The following FSTL5 variants were observed in gnomAD, a reference collection of about 807,000 sequenced individuals.
FSTL5 encodes follistatin like 5, also known as follistatin-related protein 5.
FSTL5 carries 62 observed loss-of-function variants against 89.1 expected under a neutral mutation model. That is an observed-to-expected ratio of 0.70 (90% confidence interval 0.57 to 0.86). The LOEUF (loss-of-function observed/expected upper bound fraction) is 0.86, where lower values mean the gene tolerates loss of function less well. Ranked by LOEUF, FSTL5 falls within the 40% of genes least tolerant of loss-of-function variation. The pLI is 0.00. For synonymous variants in FSTL5, 383 were observed against 346.2 expected (o/e 1.11, Z -1.18); for missense variants, 1,057 against 1,001.6 (o/e 1.06, Z -0.75).
intron 6 of FSTL5, among the ~76,000 whole-genome samples, chr4:161,699,495 G>GA (rs1738300111): frequency 6.6e-6 from 1 of 152,262 alleles, no homozygotes; most frequent in Non-Finnish European, 1.5e-5. Flanking sequence ...CTGTGTTTAA[G>GA]AAGTAGCAGC....
chr4:161,586,734 C>G (rs1733630507), intron 8 of FSTL5, among the ~76,000 whole-genome samples: 1 of 152,172 alleles, frequency 6.6e-6, no homozygotes, highest in Non-Finnish European at 1.5e-5. Flanking sequence ...TCCATGTGAT[C>G]TGCCCCAAGG....
intron 4 of FSTL5, among the ~76,000 whole-genome samples, chr4:161,905,176 T>C (rs1228607937): frequency 1.3e-5 from 2 of 152,132 alleles, no homozygotes; most frequent in Non-Finnish European, 2.9e-5. Flanking sequence ...TTTTGTTAAA[T>C]AATTTTATTT....
At chr4:161,427,144 T>C (rs1201268726) in intron 15 of FSTL5, among the ~76,000 whole-genome samples, 1 of 152,194 alleles carries the variant, frequency 6.6e-6, no homozygotes, top group Non-Finnish European at 1.5e-5. Flanking sequence ...GTTAATAAAT[T>C]TCCTTAGAAA....
chr4:161,739,027 G>A (rs1191415214), intron 6 of FSTL5, among the ~76,000 whole-genome samples: 1 of 152,046 alleles, frequency 6.6e-6, no homozygotes, highest in Non-Finnish European at 1.5e-5. Context: ...TCTTATTTTT[G>A]TACACATAAT....
intron 6 of FSTL5, among the ~76,000 whole-genome samples, chr4:161,692,150 C>T (rs1212804555): frequency 6.6e-6 from 1 of 151,816 alleles, no homozygotes; most frequent in Non-Finnish European, 1.5e-5. Flanking sequence ...AAAATTGTCT[C>T]TTTTCTGACA....
chr4:161,697,489 C>T (rs946837900), intron 6 of FSTL5, among the ~76,000 whole-genome samples: 2 of 152,060 alleles, frequency 1.3e-5, no homozygotes, highest in African/African-American at 4.8e-5. Context: ...TTATTGTGTG[C>T]AACATAAAGT....
intron 8 of FSTL5, among the ~76,000 whole-genome samples, chr4:161,578,114 G>T (rs1288163985): frequency 6.6e-6 from 1 of 151,936 alleles, no homozygotes; most frequent in Non-Finnish European, 1.5e-5. Flanking sequence ...TGGAAAATAT[G>T]ACTCATGAGA....
intron 2 of FSTL5, among the ~76,000 whole-genome samples, chr4:162,089,656 A>G (rs55866927): frequency 0.31 from 41,224 of 133,092 alleles, 8,061 homozygotes; most frequent in East Asian, 0.41. Context: ...AAAAAGAAAA[A>G]AAAGAAAGAA....
rs6853701 is a variant in FSTL5 at position 161,912,138 on chromosome 4, T to A, written c.409+8266A>T. Among the ~76,000 whole-genome samples the A allele has an allele frequency of 5.9e-5, 9 of 152,114 alleles. No homozygotes were observed. The East Asian group carries it at 1.2e-3, about 20-fold the overall frequency. ...ATCAATGAAAAGGTTTTTTTACCAC[T>A]GTGTTTTTGAATAGAAATATAGAAG... On this transcript the variant is annotated intron_variant, in intron 4 of 15. Transcript: ENST00000306100.
chr4:161,645,477 A>T (rs2126672606), intron 7 of FSTL5, among the ~76,000 whole-genome samples: 1 of 152,268 alleles, frequency 6.6e-6, no homozygotes, highest in African/African-American at 2.4e-5. Context: ...AATACGTTTT[A>T]AATTACTGAT....
chr4:161,782,005 T>C (rs887076962), intron 4 of FSTL5, among the ~76,000 whole-genome samples: 1 of 152,192 alleles, frequency 6.6e-6, no homozygotes, highest in Non-Finnish European at 1.5e-5. Context: ...GTAGATTTTT[T>C]TCAAATTGGC....
chr4:161,970,110 C>G (rs1412674352), intron 3 of FSTL5, among the ~76,000 whole-genome samples: 1 of 151,768 alleles, frequency 6.6e-6, no homozygotes, highest in Non-Finnish European at 1.5e-5. Flanking sequence ...AGAACACTTA[C>G]AATAATGTAG....
At position 162,057,801 on chromosome 4, in the gene FSTL5, G is replaced by A. The variant is rs180946472; in HGVS notation, c.127-24143C>T. Among the ~76,000 whole-genome samples, 401 of 152,118 alleles carry A rather than the reference G, an allele frequency of 2.6e-3. 1 individual carries two copies. The highest frequency in any genetic ancestry group is 8.9e-3 in the African/African-American group (368 of 41,508). ...TCTATTAAAAATACAAAAATTAGTCGGGTGTGGTGGCACATGCCTGTAGTC... is the reference window on the plus strand; with the variant it reads ...TCTATTAAAAATACAAAAATTAGTCAGGTGTGGTGGCACATGCCTGTAGTC... On this transcript the variant is annotated intron_variant, in intron 2 of 15. Coordinates refer to ENST00000306100, the MANE Select transcript of FSTL5 (RefSeq NM_020116.5).
At chr4:162,149,398 G>A (rs1212815723) in intron 1 of FSTL5, among the ~76,000 whole-genome samples, 1 of 151,936 alleles carries the variant, frequency 6.6e-6, no homozygotes, top group Non-Finnish European at 1.5e-5. Context: ...TTAGCCAGGT[G>A]TGGTGGCTCA....
chr4:162,006,877 G>T (rs894449052), intron 3 of FSTL5, among the ~76,000 whole-genome samples: 2 of 151,864 alleles, frequency 1.3e-5, no homozygotes, highest in Admixed American at 6.6e-5. Flanking sequence ...CATGGTTTTG[G>T]AGAGGAATTG....
intron 3 of FSTL5, among the ~76,000 whole-genome samples, chr4:162,006,814 T>C (rs1273612344): frequency 1.3e-5 from 2 of 151,970 alleles, no homozygotes; most frequent in African/African-American, 4.8e-5. Context: ...TTTACTAATT[T>C]TGTGGTAGAT....
At chr4:161,966,190 G>A (rs1735322461) in intron 3 of FSTL5, among the ~76,000 whole-genome samples, 1 of 152,184 alleles carries the variant, frequency 6.6e-6, no homozygotes, top group Non-Finnish European at 1.5e-5. Context: ...GCATGAGCAA[G>A]TAAGTGAGGT....
chr4:161,399,865 C>T (rs781123676), intron 15 of FSTL5, among the ~76,000 whole-genome samples: 1 of 152,038 alleles, frequency 6.6e-6, no homozygotes, highest in South Asian at 2.1e-4. Context: ...TAATTTTATG[C>T]AGTTATAATT....
At chr4:161,665,244 T>G (rs900594824) in intron 6 of FSTL5, among the ~76,000 whole-genome samples, 43 of 152,110 alleles carry the variant, frequency 2.8e-4, no homozygotes, top group African/African-American at 1.0e-3. Context: ...AAATCTTTTT[T>G]TTGTTGTTTT....
Sources: gnomAD v4.1 joint callset for allele counts (sites outside exome capture counted in the v4.1 genomes callset) on GRCh38, gnomAD v4.1.1 for gene constraint, MANE v1.5 for transcripts, NCBI Gene and HGNC (gene_info 2026-07-23, HGNC 2026-07-21) for gene names.